The following MAST4 variants were observed in gnomAD, a reference collection of about 807,000 sequenced individuals.
The protein encoded by MAST4 is microtubule-associated serine/threonine-protein kinase 4.
A neutral mutation model predicts 162.7 loss-of-function variants in MAST4; 89 were observed. The observed-to-expected ratio is 0.55, with a 90% confidence interval of 0.46 to 0.65. MAST4 has a LOEUF of 0.65. Among genes scored for constraint, MAST4 ranks in the 30% least tolerant of loss-of-function variants. The pLI, the probability that MAST4 is intolerant of heterozygous loss-of-function variation, is 0.00. For missense variants in MAST4, 3,153 were observed against 3,374.0 expected, an observed-to-expected ratio of 0.93 and a Z score of 1.62; for synonymous variants, 1,479 against 1,361.1, an observed-to-expected ratio of 1.09 and a Z score of -1.91.
At chr5:66,644,372 A>G (rs1385059463) in intron 1 of MAST4, among the ~76,000 whole-genome samples, 1 of 152,188 alleles carries the variant, frequency 6.6e-6, no homozygotes, top group African/African-American at 2.4e-5. Context: ...CTGATTACAA[A>G]AGCTTACTGT....
intron 1 of MAST4, among the ~76,000 whole-genome samples, chr5:66,714,990 A>T (rs1314595174): frequency 6.6e-6 from 1 of 152,238 alleles, no homozygotes; most frequent in Non-Finnish European, 1.5e-5. Context: ...ATGTCAACAG[A>T]TATGGGTTTA....
chr5:66,688,723 C>A (rs530400312), intron 1 of MAST4, among the ~76,000 whole-genome samples: 20 of 152,092 alleles, frequency 1.3e-4, no homozygotes, highest in African/African-American at 4.8e-4. Flanking sequence ...AAATGATTCC[C>A]ATTCTAGTTT....
At chr5:66,805,407 C>T (rs912420932) in intron 3 of MAST4, among the ~76,000 whole-genome samples, 4 of 152,098 alleles carry the variant, frequency 2.6e-5, no homozygotes, top group Admixed American at 2.6e-4. Flanking sequence ...GGTAGAGGAG[C>T]CTTATCATGC....
intron 1 of MAST4, among the ~76,000 whole-genome samples, chr5:66,640,474 AT>A (rs1232721119): frequency 1.2e-4 from 18 of 151,958 alleles, no homozygotes; most frequent in Admixed American, 1.2e-3. Flanking sequence ...CGCCTGGCTA[AT>A]TTTTTTGTAA....
intron 1 of MAST4, among the ~76,000 whole-genome samples, chr5:66,666,854 G>A (rs1410318162): frequency 1.3e-5 from 2 of 152,214 alleles, no homozygotes; most frequent in African/African-American, 2.4e-5. Flanking sequence ...TAGTAAAGGG[G>A]CCAGGTGAGT....
At chr5:66,969,840 G>A (rs1747212480) in intron 4 of MAST4, among the ~76,000 whole-genome samples, 1 of 152,120 alleles carries the variant, frequency 6.6e-6, no homozygotes, top group Admixed American at 6.5e-5. Context: ...GGTCCCATTT[G>A]TCTTTTTTAT....
At position 67,012,960 on chromosome 5, in the gene MAST4, A is replaced by G. The variant is rs188135566; in HGVS notation, c.675-41444A>G. Among the ~76,000 whole-genome samples, 18 of 152,360 alleles carry G rather than the reference A, an allele frequency of 1.2e-4. No individual in the cohort carries two copies. In the East Asian group the frequency reaches 2.1e-3, roughly 18 times the overall value. ...ATAGCAGAGAATTTAGGCTTTGATC[A>G]GTACTTGAAGGTAAAATAGATTGGT... is the stretch of plus-strand genomic sequence containing the variant. On this transcript the variant is annotated intron_variant, in intron 4 of 28. Coordinates refer to ENST00000403625, the MANE Select transcript of MAST4 (RefSeq NM_001164664.2).
At chr5:67,089,887 T>C (rs547743408) in intron 5 of MAST4, among the ~76,000 whole-genome samples, 10 of 152,296 alleles carry the variant, frequency 6.6e-5, no homozygotes, top group African/African-American at 2.4e-4. Flanking sequence ...TGTATTGTTA[T>C]CTCCATGCAG....
intron 5 of MAST4, among the ~76,000 whole-genome samples, chr5:67,070,103 G>C (rs1009417131): frequency 1.9e-4 from 29 of 152,112 alleles, no homozygotes; most frequent in African/African-American, 6.5e-4. Context: ...AAAAAAATAG[G>C]TGAATTGATT....
intron 3 of MAST4, among the ~76,000 whole-genome samples, chr5:66,841,799 G>A (rs1425987307): frequency 1.3e-5 from 2 of 151,918 alleles, no homozygotes; most frequent in Non-Finnish European, 2.9e-5. Context: ...GAGGCAAATG[G>A]GTACTTAATA....
rs1752932684 is a variant in MAST4 at position 66,748,488 on chromosome 5, TTTC to T, written c.364-11217_364-11215del. ...CCTTCCTTCTCTTCCTTCTCTTCCT[TTTC>T]TTCCTTTTCTTCTTCTTAGATGGAG... On this transcript the variant is annotated intron_variant, in intron 1 of 28. Transcript: ENST00000403625. Among the ~76,000 whole-genome samples, 3 of 124,178 alleles carry T rather than the reference TTTC, an allele frequency of 2.4e-5. No homozygotes were observed. In the Admixed American group the frequency reaches 2.7e-4, roughly 11 times the overall value. 81.5% of individuals were successfully genotyped at this position (124,178 alleles called of 152,430 possible).
In MAST4 at chr5:66,743,538, A is replaced by C. The variant is rs1406777440; in HGVS notation, c.364-16171A>C. On this transcript the variant is annotated intron_variant, in intron 1 of 28. Coordinates refer to ENST00000403625, the MANE Select transcript of MAST4 (RefSeq NM_001164664.2). ...GGCAGGTTGGTGGCACAGGCCTGGC[A>C]CTGGGTCAGAGTCCAGTCCTCCACA... Among the ~76,000 whole-genome samples the C allele has an allele frequency of 2.0e-5, 3 of 152,218 alleles. No homozygotes were observed. In the East Asian group the frequency reaches 5.8e-4, roughly 29 times the overall value.
chr5:66,945,791 T>C (rs1027427683), intron 4 of MAST4, among the ~76,000 whole-genome samples: 7 of 152,168 alleles, frequency 4.6e-5, no homozygotes, highest in African/African-American at 1.7e-4. Flanking sequence ...ACAGAATCAT[T>C]ATGTAGTGAT....
intron 2 of MAST4, among the ~76,000 whole-genome samples, chr5:66,788,329 G>A (rs977049141): frequency 1.4e-4 from 21 of 152,184 alleles, no homozygotes; most frequent in African/African-American, 4.3e-4. Context: ...ACAAATGCAC[G>A]CGCTTACTTC....
intron 1 of MAST4, among the ~76,000 whole-genome samples, chr5:66,715,135 A>ATGT (rs1750738079): frequency 6.6e-6 from 1 of 152,164 alleles, no homozygotes; most frequent in South Asian, 2.1e-4. Context: ...CAACTGGACT[A>ATGT]ATGGGTTGCC....
intron 3 of MAST4, among the ~76,000 whole-genome samples, chr5:66,866,889 A>G (rs1760564347): frequency 6.6e-6 from 1 of 152,022 alleles, no homozygotes; most frequent in Non-Finnish European, 1.5e-5. Context: ...AGCCAGGACC[A>G]TAGGCGTGGG....
At chr5:67,106,453 G>A (rs919239130) in intron 10 of MAST4, among the ~76,000 whole-genome samples, 1 of 152,032 alleles carries the variant, frequency 6.6e-6, no homozygotes, top group Non-Finnish European at 1.5e-5. Flanking sequence ...AGAACTCTGA[G>A]AATACTAGAC....
chr5:66,992,649 G>A (rs2150284770), intron 4 of MAST4, among the ~76,000 whole-genome samples: 1 of 152,298 alleles, frequency 6.6e-6, no homozygotes, highest in East Asian at 1.9e-4. Flanking sequence ...GTGCAATACA[G>A]GCAAGAACAA....
chr5:66,982,126 T>C (rs1680164201), intron 4 of MAST4, among the ~76,000 whole-genome samples: 1 of 152,148 alleles, frequency 6.6e-6, no homozygotes, highest in African/African-American at 2.4e-5. Flanking sequence ...TCTTACAAAC[T>C]AGGAAGTGGC....
Sources: allele counts gnomAD v4.1 joint callset (sites outside exome capture counted in the v4.1 genomes callset), GRCh38; gene constraint gnomAD v4.1.1; transcripts MANE v1.5; gene names NCBI Gene and HGNC (gene_info 2026-07-23, HGNC 2026-07-21).